IBTK: variants seen among roughly 807,000 people sequenced by gnomAD.
IBTK encodes the protein inhibitor of Bruton tyrosine kinase, also known as BTK-binding protein.
Under a neutral mutation model 154.9 loss-of-function variants are expected in IBTK, and 83 were observed. The ratio of observed to expected loss-of-function variants is 0.54; its 90% CI spans 0.45 to 0.64. The LOEUF (loss-of-function observed/expected upper bound fraction) is 0.64, where lower values mean the gene tolerates loss of function less well. Ranked by LOEUF, IBTK falls within the 30% of genes least tolerant of loss-of-function variation. The pLI is 0.00. For synonymous variants in IBTK, 515 were observed against 536.1 expected (o/e 0.96, Z 0.54); for missense variants, 1,332 against 1,584.6 (o/e 0.84, Z 2.71).
chr6:82,171,336 T>C lies in IBTK; in HGVS notation c.*89A>G, dbSNP rs1169731917. ...TTTTCTTAATCTATTTAGAATGATA[T>C]TACAAAATCTCTAAGACTCTTTTCC... On this transcript the variant is annotated 3_prime_UTR_variant, in exon 29 of 29. Coordinates refer to ENST00000306270, the MANE Select transcript of IBTK (RefSeq NM_015525.4). 9.6e-7 allele frequency: 1 copy of C among 1,045,232 alleles called. No homozygotes were observed. Among genetic ancestry groups the C allele is most frequent in the Non-Finnish European group, 1.4e-6 (1 of 713,888 alleles). 64.7% of individuals were successfully genotyped at this position (1,045,232 alleles called of 1,614,324 possible).
intron 19 of IBTK, 45 bp from the exon 20 acceptor site, chr6:82,200,753 GTTTTTTTTTTTTTTTT>G (rs138809525): frequency 6.1e-5 from 24 of 392,560 alleles, no homozygotes; most frequent in Non-Finnish European, 7.3e-5. Flanking sequence ...AATCTGTGAA[GTTTTTTTTTTTTTTTT>G]TTTTTTTTTT....
chr6:82,199,932 C>T (rs1373822334), intron 21 of IBTK, among the ~76,000 whole-genome samples: 2 of 152,186 alleles, frequency 1.3e-5, no homozygotes, highest in South Asian at 2.1e-4. Flanking sequence ...CTCAGCATTG[C>T]TTTCCTCTAA....
intron 21 of IBTK, among the ~76,000 whole-genome samples, chr6:82,199,934 T>C (rs964879145): frequency 1.3e-5 from 2 of 152,182 alleles, no homozygotes; most frequent in African/African-American, 4.8e-5. Context: ...CAGCATTGCT[T>C]TCCTCTAAGA....
rs186976209 is a variant in IBTK, at chr6:82,175,306, T to G, written c.3726-1868A>C. Among the ~76,000 whole-genome samples the G allele has an allele frequency of 3.3e-4, 51 of 152,326 alleles. No homozygotes were observed. The East Asian group carries it at 9.4e-3, about 28-fold the overall frequency. On this transcript the variant is annotated intron_variant, in intron 26 of 28. Transcript: ENST00000306270. ...ATAAGTACTGAATTACAAACTGATA[T>G]AAGCCTTGTAGTAAGCCTGCATGAT... is the stretch of plus-strand genomic sequence containing the variant.
chr6:82,187,088 G>A (rs1768583438), intron 25 of IBTK, among the ~76,000 whole-genome samples: 1 of 151,756 alleles, frequency 6.6e-6, no homozygotes, highest in Non-Finnish European at 1.5e-5. Flanking sequence ...GCTAATTTTT[G>A]TATTTTTAGT....
intron 5 of IBTK, among the ~76,000 whole-genome samples, chr6:82,225,964 T>G (rs1199603177): frequency 1.3e-5 from 2 of 152,028 alleles, no homozygotes; most frequent in African/African-American, 4.8e-5. Context: ...TATACACGGG[T>G]ACATTGAAAA....
At chr6:82,191,335 GTAATAA>G (rs1230583301) in intron 24 of IBTK, 119 bp from the exon 25 acceptor site, 12 of 757,816 alleles carry the variant, frequency 1.6e-5, no homozygotes, top group Admixed American at 6.4e-5. Context: ...AAGGTTACTG[GTAATAA>G]TAATGTTTTC....
At chr6:82,214,067 T>C (rs1367419635) in intron 12 of IBTK, among the ~76,000 whole-genome samples, 160 bp downstream of exon 12, 1 of 152,066 alleles carries the variant, frequency 6.6e-6, no homozygotes, top group Non-Finnish European at 1.5e-5. Context: ...GCCATTCTCC[T>C]GCCTCAGCCT....
At chr6:82,210,336 T>TTC (rs1769585318) in intron 16 of IBTK, 1 of 152,006 alleles carries the variant, frequency 6.6e-6, no homozygotes, top group Admixed American at 6.6e-5. Context: ...CCTTTTTTTT[T>TTC]TTTTTTAATG....
Position 82,201,448 on chromosome 6 carries a change from C to T in IBTK, c.2764G>A (p.Asp922Asn). ...ATTTTCCGGTAAAACTCAGAAAGAT[C>T]CTTCAAAACACCATCGCTTAAAACA... The part of the protein sequence containing the change: ...LDVLSDGVLK[D>N]LSEFYRKMIP... Residue 922 changes from aspartate (D) to asparagine (N), a missense_variant, in exon 19 of 29, where the codon GAT (aspartate) becomes AAT (asparagine). Coordinates refer to ENST00000306270, the MANE Select transcript of IBTK (RefSeq NM_015525.4). 6.2e-7 allele frequency: 1 copy of T among 1,608,406 alleles called. No homozygotes were observed. The highest frequency in any genetic ancestry group is 1.3e-5 in the African/African-American group (1 of 74,760).
chr6:82,198,570 T>C (rs1259499717), intron 21 of IBTK, among the ~76,000 whole-genome samples: 1 of 151,850 alleles, frequency 6.6e-6, no homozygotes, highest in Non-Finnish European at 1.5e-5. Flanking sequence ...AAAAAAAAAA[T>C]CCTTCTTCTT....
intron 21 of IBTK, among the ~76,000 whole-genome samples, chr6:82,198,644 A>G (rs1269989991): frequency 1.3e-5 from 2 of 152,082 alleles, no homozygotes; most frequent in Admixed American, 6.6e-5. Context: ...CTATTTTTCA[A>G]AGTTGTTTGT....
chr6:82,247,470 C>A (rs930100826), intron 1 of IBTK, 92 bp downstream of exon 1: 4 of 397,692 alleles, frequency 1.0e-5, no homozygotes, highest in Non-Finnish European at 1.3e-5. Flanking sequence ...CCGCAGCCAC[C>A]CGCACCCTCC....
At chr6:82,210,995 A>C in intron 15 of IBTK, 85 bp from the exon 16 acceptor site, 1 of 636,074 alleles carries the variant, frequency 1.6e-6, no homozygotes, top group Admixed American at 3.4e-5. Context: ...TTGGTACAAA[A>C]CACTCTGAAC....
chr6:82,236,346 G>A (rs192038722), intron 2 of IBTK, among the ~76,000 whole-genome samples: 2 of 152,238 alleles, frequency 1.3e-5, no homozygotes, highest in East Asian at 3.9e-4. Context: ...ATACCTCACA[G>A]ACAGTATATT....
At position 82,240,736 on chromosome 6, in the gene IBTK, C is replaced by G; in HGVS notation, c.-250G>C. Reference sequence around the variant, plus strand: ...ACAAGTTCTTCATTTAAAAAAATTCCACAGTTTATAAATTATTCCTGGAGT... The same window carrying G: ...ACAAGTTCTTCATTTAAAAAAATTCGACAGTTTATAAATTATTCCTGGAGT... On this transcript the variant is annotated 5_prime_UTR_variant, in exon 2 of 29. Coordinates refer to ENST00000306270, the MANE Select transcript of IBTK (RefSeq NM_015525.4). The G allele has an allele frequency of 2.1e-6, 1 of 479,540 alleles. No individual in the cohort carries two copies. The highest frequency in any genetic ancestry group is 3.8e-5 in the Admixed American group (1 of 26,400). 29.7% of individuals were successfully genotyped at this position (479,540 alleles called of 1,614,324 possible). A position where few individuals can be genotyped will look rare whatever the true frequency, so the allele number is the denominator to read the frequency against.
intron 23 of IBTK, among the ~76,000 whole-genome samples, chr6:82,193,357 T>C (rs1171800652): frequency 6.6e-6 from 1 of 152,152 alleles, no homozygotes; most frequent in African/African-American, 2.4e-5. Flanking sequence ...CAAAATATCC[T>C]AACATTAGCA....
At chr6:82,199,465 T>G (rs1307497321) in intron 21 of IBTK, among the ~76,000 whole-genome samples, 4 of 152,218 alleles carry the variant, frequency 2.6e-5, no homozygotes, top group African/African-American at 9.6e-5. Flanking sequence ...ACCTGACCTT[T>G]ACTTTCAAAC....
chr6:82,215,822 G>A (rs1388440560), intron 11 of IBTK, among the ~76,000 whole-genome samples: 1 of 149,946 alleles, frequency 6.7e-6, no homozygotes, highest in Non-Finnish European at 1.5e-5. Flanking sequence ...AACTTTGTGA[G>A]TGCATGTATA....
Sources: allele counts gnomAD v4.1 joint callset (sites outside exome capture counted in the v4.1 genomes callset), GRCh38; gene constraint gnomAD v4.1.1; transcripts MANE v1.5; gene names NCBI Gene and HGNC (gene_info 2026-07-23, HGNC 2026-07-21).